Variants in RND3 observed in about 807,000 individuals in gnomAD.
RND3 encodes Rho family GTPase 3.
RND3 carries 8 observed loss-of-function variants against 26.5 expected under a neutral mutation model. The ratio of observed to expected loss-of-function variants is 0.30; its 90% confidence interval spans 0.18 to 0.54. The LOEUF (loss-of-function observed/expected upper bound fraction) is 0.54. RND3 is among the 20% of genes least tolerant of loss of function. The pLI, the probability that RND3 is intolerant of heterozygous loss-of-function variation, is 0.94. For missense variants in RND3, 207 were observed against 302.8 expected (o/e 0.68, Z 2.35); for synonymous variants, 113 against 113.0 (o/e 1.00, Z 0.00).
At chr2:150,472,973 T>G (rs1686110373) in intron 4 of RND3, among the ~76,000 whole-genome samples, 1 of 151,944 alleles carries the variant, frequency 6.6e-6, no homozygotes, top group Admixed American at 6.6e-5. Context: ...GAGCCCATTT[T>G]GTCCACTTAT....
intron 4 of RND3, among the ~76,000 whole-genome samples, chr2:150,473,143 GAA>G (rs36041514): frequency 1.5e-4 from 20 of 136,436 alleles, no homozygotes; most frequent in Admixed American, 2.2e-4. Context: ...AGGTGAACTG[GAA>G]AAAAAAAAAA....
rs1487208438 is a variant in RND3, at chr2:150,487,471, A to AT, written c.-38-17_-38-16insA. The AT allele has an allele frequency of 1.6e-3, 673 of 411,126 alleles. No homozygotes were observed. The highest frequency in any genetic ancestry group is 1.9e-3 in the Non-Finnish European group (553 of 290,392). 25.5% of individuals were successfully genotyped at this position (411,126 alleles called of 1,614,324 possible). On this transcript the variant is annotated splice_polypyrimidine_tract_variant and intron_variant, in intron 1 of 5. Transcript: ENST00000263895. ...GGAATTTTCTCTTAAGAAGAAAAAA[A>AT]AAAATATATATATATATATATATTT... is the stretch of plus-strand genomic sequence containing the variant.
intron 3 of RND3, among the ~76,000 whole-genome samples, chr2:150,482,914 TC>T (rs993077113): frequency 5.8e-4 from 89 of 152,266 alleles, no homozygotes; most frequent in African/African-American, 2.0e-3. Flanking sequence ...CAGAAGAGCT[TC>T]TTTTTCTCCA....
chr2:150,486,427 G>A lies in RND3; in HGVS notation c.238+267C>T, dbSNP rs1459677722. 6.6e-6 allele frequency among the ~76,000 whole-genome samples: 1 copy of A among 152,260 alleles called. No individual in the cohort carries two copies. Among genetic ancestry groups the A allele is most frequent in the African/African-American group, 2.4e-5 (1 of 41,476 alleles). ...AGGCGACTTGACCACGACTCCGCGG[G>A]CGGACTGCGCCTGGCCACTAGTGGC... is the stretch of plus-strand genomic sequence containing the variant. On this transcript the variant is annotated intron_variant, in intron 3 of 5. Transcript: ENST00000263895. The surrounding 1 kb of genome is among the most constrained non-coding windows in gnomAD (Gnocchi z 4.5).
intron 3 of RND3, among the ~76,000 whole-genome samples, chr2:150,477,149 C>T (rs1686183165): frequency 6.6e-6 from 1 of 152,104 alleles, no homozygotes; most frequent in African/African-American, 2.4e-5. Flanking sequence ...AGAAACCTAA[C>T]GAGGCTTCAG....
intron 3 of RND3, among the ~76,000 whole-genome samples, chr2:150,482,131 G>C (rs898761535): frequency 1.3e-5 from 2 of 152,170 alleles, no homozygotes; most frequent in African/African-American, 4.8e-5. Flanking sequence ...CAATAGCATA[G>C]TTATTGTGGG....
At chr2:150,478,338 G>A (rs1239490337) in intron 3 of RND3, among the ~76,000 whole-genome samples, 1 of 151,968 alleles carries the variant, frequency 6.6e-6, no homozygotes. Flanking sequence ...CACAAAGGAA[G>A]TAAGGCAAGC....
At chr2:150,487,178 G>A in intron 2 of RND3, 90 bp downstream of exon 2, 1 of 838,222 alleles carries the variant, frequency 1.2e-6, no homozygotes, top group Non-Finnish European at 1.7e-6. Flanking sequence ...TTTTTTTTAA[G>A]GGAAAACGGA....
chr2:150,469,321 A>G lies in RND3; in HGVS notation c.*666T>C, dbSNP rs1449986867. ...CGACATTTTTTTTCCTATTTGATCT[A>G]TGCGATCTTTGTAGTGCTGGTCTAC... On this transcript the variant is annotated 3_prime_UTR_variant, in exon 6 of 6. Coordinates refer to ENST00000263895, the MANE Select transcript of RND3 (RefSeq NM_005168.5). The G allele has an allele frequency of 6.6e-6, 1 of 152,582 alleles. No individual in the cohort carries two copies. The highest frequency in any genetic ancestry group is 1.5e-5 in the Non-Finnish European group (1 of 68,034). 9.5% of individuals were successfully genotyped at this position (152,582 alleles called of 1,614,324 possible).
chr2:150,487,491 A>ATATATATATATATATG (rs1351736167), intron 1 of RND3, 36 bp from the exon 2 acceptor site: 1 of 356,044 alleles, frequency 2.8e-6, no homozygotes, highest in Non-Finnish European at 4.2e-6. Flanking sequence ...ATATATATAT[A>ATATATATATATATATG]TATTTCTCTC....
In RND3 at chr2:150,486,032, A is replaced by G. The variant is rs1005384230; in HGVS notation, c.238+662T>C. 7.2e-5 allele frequency among the ~76,000 whole-genome samples: 11 copies of G among 152,078 alleles called. No homozygotes were observed. Among genetic ancestry groups the G allele is most frequent in the African/African-American group, 2.2e-4 (9 of 41,434 alleles). ...AGGGGAAACGGACGTGATCACTGGG[A>G]TGGAGTGGGGGAAAAAGGGAAAAGC... On this transcript the variant is annotated intron_variant, in intron 3 of 5. Transcript: ENST00000263895. The surrounding 1 kb of genome is among the most constrained non-coding windows in gnomAD (Gnocchi z 4.5).
intron 3 of RND3, among the ~76,000 whole-genome samples, chr2:150,478,259 T>C (rs1686201588): frequency 6.6e-6 from 1 of 151,948 alleles, no homozygotes; most frequent in African/African-American, 2.4e-5. Flanking sequence ...TGTGTAACTT[T>C]ACAGTGTTTA....
Position 150,474,965 on chromosome 2 carries a change from A to G in RND3, c.258T>C (p.Asn86=). ...WDTSGSPYYD[N]VRPLSYPDSD... Reference sequence around the variant, plus strand: ...AATCAGGGTAAGAGAGGGGGCGGACATTGTCATAGTAAGGAGAACCTGAGA... The same window carrying G: ...AATCAGGGTAAGAGAGGGGGCGGACGTTGTCATAGTAAGGAGAACCTGAGA... Residue 86 remains asparagine, a synonymous_variant, in exon 4 of 6, where the codon AAT becomes AAC. Transcript: ENST00000263895. 1 of 1,611,912 alleles carries G rather than the reference A, an allele frequency of 6.2e-7. No homozygotes were observed. Among genetic ancestry groups the G allele is most frequent in the Non-Finnish European group, 8.5e-7 (1 of 1,178,154 alleles).
At chr2:150,478,202 AC>A (rs766716147) in intron 3 of RND3, among the ~76,000 whole-genome samples, 3 of 151,930 alleles carry the variant, frequency 2.0e-5, no homozygotes, top group Non-Finnish European at 4.4e-5. Flanking sequence ...AAAAAAAAAA[AC>A]AAAGCAAAAC....
At position 150,486,603 on chromosome 2, in the gene RND3, G is replaced by A; in HGVS notation, c.238+91C>T. The A allele has an allele frequency of 1.1e-6, 1 of 912,638 alleles. No individual in the cohort carries two copies. The highest frequency in any genetic ancestry group is 1.8e-6 in the Non-Finnish European group (1 of 541,194). 56.5% of individuals were successfully genotyped at this position (912,638 alleles called of 1,614,324 possible). A position where few individuals can be genotyped will look rare whatever the true frequency, so the allele number is the denominator to read the frequency against. ...GGAATCCCTTGGGAGGGGCGCAGAC[G>A]GCTTGTAGCGCGCGGTTTCCCGAGA... On this transcript the variant is annotated intron_variant, in intron 3 of 5. Transcript: ENST00000263895. The surrounding 1 kb of genome is among the most constrained non-coding windows in gnomAD (Gnocchi z 4.5).
rs1178039525 is a variant in RND3, at chr2:150,487,473, AAAT to A, written c.-38-21_-38-19del. The stretch of plus-strand genomic sequence containing the variant: ...AATTTTCTCTTAAGAAGAAAAAAAA[AAAT>A]ATATATATATATATATATTTCTCTC... On this transcript the variant is annotated intron_variant, in intron 1 of 5. Coordinates refer to ENST00000263895, the MANE Select transcript of RND3 (RefSeq NM_005168.5). The A allele has an allele frequency of 2.5e-4, 89 of 362,790 alleles. No individual in the cohort carries two copies. Among genetic ancestry groups the A allele is most frequent in the Middle Eastern group, 8.8e-4 (1 of 1,132 alleles). The allele number at this position is 362,790 out of a possible 1,614,324, so 22.5% of individuals were successfully genotyped here. A position where few individuals can be genotyped will look rare whatever the true frequency, so the allele number is the denominator to read the frequency against.
intron 2 of RND3, chr2:150,487,006 A>G (rs1686383314): frequency 6.6e-6 from 4 of 609,668 alleles, no homozygotes; most frequent in South Asian, 1.9e-5. Flanking sequence ...GAATCTCCCA[A>G]CCCCAGGTTA....
intron 3 of RND3, among the ~76,000 whole-genome samples, chr2:150,477,340 C>G (rs1558870457): frequency 6.6e-6 from 1 of 152,110 alleles, no homozygotes; most frequent in Non-Finnish European, 1.5e-5. Flanking sequence ...TAATACTGCT[C>G]TATGACAATG....
At chr2:150,480,873 G>A (rs975728590) in intron 3 of RND3, among the ~76,000 whole-genome samples, 6 of 152,080 alleles carry the variant, frequency 3.9e-5, no homozygotes, top group Non-Finnish European at 7.4e-5. Context: ...GTGAAAACTC[G>A]TTAAGAATTA....
Sources: allele counts gnomAD v4.1 joint callset (sites outside exome capture counted in the v4.1 genomes callset), GRCh38; gene constraint gnomAD v4.1.1; non-coding constraint Gnocchi (gnomAD v3.1); transcripts MANE v1.5; gene names NCBI Gene and HGNC (gene_info 2026-07-23, HGNC 2026-07-21).